Variants in ATXN7L1 observed in about 807,000 individuals in gnomAD.
The protein encoded by ATXN7L1 is ataxin 7 like 1.
Under a neutral mutation model 70.8 loss-of-function variants are expected in ATXN7L1, and 15 were observed. That is an observed-to-expected ratio of 0.21 (90% CI 0.14 to 0.33). The LOEUF (loss-of-function observed/expected upper bound fraction) is 0.33. Ranked by LOEUF, ATXN7L1 falls within the 10% of genes least tolerant of loss-of-function variation. ATXN7L1 has a pLI of 1.00. For synonymous variants in ATXN7L1, 440 were observed against 445.1 expected (o/e 0.99, Z 0.14); for missense variants, 975 against 1,097.1 (o/e 0.89, Z 1.57).
chr7:105,690,451 A>G (rs895138265), intron 3 of ATXN7L1, among the ~76,000 whole-genome samples: 3 of 152,162 alleles, frequency 2.0e-5, no homozygotes, highest in Admixed American at 1.3e-4. Flanking sequence ...GTCCGTTCTC[A>G]TTCATGTGAT....
At chr7:105,790,859 G>C (rs954647394) in intron 2 of ATXN7L1, among the ~76,000 whole-genome samples, 3 of 152,058 alleles carry the variant, frequency 2.0e-5, no homozygotes, top group African/African-American at 7.2e-5. Context: ...ACACTGGCAG[G>C]GGTGATACAG....
At chr7:105,830,880 A>G (rs2116586631) in intron 2 of ATXN7L1, among the ~76,000 whole-genome samples, 1 of 152,332 alleles carries the variant, frequency 6.6e-6, no homozygotes, top group South Asian at 2.1e-4. Flanking sequence ...AGCATTTGAA[A>G]AGGCAGGGTT....
At chr7:105,624,733 C>T (rs373727050) in intron 7 of ATXN7L1, among the ~76,000 whole-genome samples, 42 of 150,530 alleles carry the variant, frequency 2.8e-4, no homozygotes, top group South Asian at 1.5e-3. Flanking sequence ...TAAGGGAAAA[C>T]AATCAAGGCT....
Position 105,624,051 on chromosome 7 carries a change from G to C in ATXN7L1, c.1395+24C>G, listed in dbSNP as rs751114896. ...TGCAAAGCACAGGCGAAGAACGCAT[G>C]GCAAGGAACGGAAGGAGGCCTACCG... is the stretch of plus-strand genomic sequence containing the variant. On this transcript the variant is annotated intron_variant, in intron 8 of 11. Transcript: ENST00000419735. 1.7e-4 allele frequency: 234 copies of C among 1,376,758 alleles called. 1 individual carries two copies. The highest frequency in any genetic ancestry group is 2.1e-4 in the Non-Finnish European group (226 of 1,051,180). 85.3% of individuals were successfully genotyped at this position (1,376,758 alleles called of 1,614,324 possible). A position where few individuals can be genotyped will look rare whatever the true frequency, so the allele number is the denominator to read the frequency against.
At chr7:105,822,481 A>T (rs959796174) in intron 2 of ATXN7L1, among the ~76,000 whole-genome samples, 4 of 152,048 alleles carry the variant, frequency 2.6e-5, no homozygotes, top group African/African-American at 9.7e-5. Context: ...ACTTCTTATG[A>T]CCTGCAGGAA....
chr7:105,828,305 T>C (rs80208306), intron 2 of ATXN7L1, among the ~76,000 whole-genome samples: 1 of 152,298 alleles, frequency 6.6e-6, no homozygotes, highest in East Asian at 1.9e-4. Context: ...AGAGTCCTGC[T>C]GATATGGAAG....
At chr7:105,729,062 G>C (rs532564883) in intron 3 of ATXN7L1, among the ~76,000 whole-genome samples, 4 of 152,082 alleles carry the variant, frequency 2.6e-5, no homozygotes, top group African/African-American at 9.7e-5. Context: ...CCAGGAGTTT[G>C]AGACTAGCCT....
Position 105,638,350 on chromosome 7 carries a change from T to A in ATXN7L1, c.1202+3A>T. The A allele has an allele frequency of 6.5e-7, 1 of 1,550,030 alleles. No individual in the cohort carries two copies. Among genetic ancestry groups the A allele is most frequent in the Non-Finnish European group, 8.7e-7 (1 of 1,145,688 alleles). ...GGGCTTCTATCGTCAAGGTGGTACTTACCTAGGAAGTACAGAGTTGGGTGG... is the reference window on the plus strand; with the variant it reads ...GGGCTTCTATCGTCAAGGTGGTACTAACCTAGGAAGTACAGAGTTGGGTGG... On this transcript the variant is annotated splice_donor_region_variant and intron_variant, in intron 7 of 11. Coordinates refer to ENST00000419735, the MANE Select transcript of ATXN7L1 (RefSeq NM_020725.2).
At chr7:105,613,662 G>A in intron 10 of ATXN7L1, 200 bp downstream of exon 10, 2 of 1,443,470 alleles carry the variant, frequency 1.4e-6, no homozygotes, top group Non-Finnish European at 1.8e-6. Flanking sequence ...CGAGAACAGT[G>A]TCTAGCACAT....
intron 3 of ATXN7L1, among the ~76,000 whole-genome samples, chr7:105,711,957 T>C (rs1293639760): frequency 6.6e-6 from 1 of 152,268 alleles, no homozygotes; most frequent in African/African-American, 2.4e-5. Flanking sequence ...TTTCCATACA[T>C]CTTCTGAAAT....
At chr7:105,624,901 C>T (rs1353682863) in intron 7 of ATXN7L1, among the ~76,000 whole-genome samples, 2 of 152,180 alleles carry the variant, frequency 1.3e-5, no homozygotes, top group African/African-American at 4.8e-5. Context: ...TGAACCTACA[C>T]CAGTCTTCTA....
chr7:105,740,818 G>A (rs908911511), intron 3 of ATXN7L1, among the ~76,000 whole-genome samples: 1 of 119,764 alleles, frequency 8.3e-6, no homozygotes, highest in Non-Finnish European at 1.6e-5. Flanking sequence ...AGGCTGGAGT[G>A]CGGTGGTGCG....
chr7:105,712,427 T>C (rs1467583273), intron 3 of ATXN7L1, among the ~76,000 whole-genome samples: 1 of 152,280 alleles, frequency 6.6e-6, no homozygotes, highest in African/African-American at 2.4e-5. Context: ...CAAACTTTTA[T>C]GCTCTGCTTC....
At position 105,614,612 on chromosome 7, in the gene ATXN7L1, C is replaced by G; in HGVS notation, c.1722G>C (p.Pro574=). 3 of 1,551,596 alleles carry G rather than the reference C, an allele frequency of 1.9e-6. No individual in the cohort carries two copies. The African/African-American group carries it at 4.1e-5, about 21-fold the overall frequency. ...CTGTGGTGTGGGACATGAGGGCGCTCGGGTCCGGCGATGTCACGAAAGCTG... is the reference window on the plus strand; with the variant it reads ...CTGTGGTGTGGGACATGAGGGCGCTGGGGTCCGGCGATGTCACGAAAGCTG... ...SNAAFVTSPD[P]SALMSHTTAF... is the part of the protein sequence containing the mutation. Residue 574 remains proline (P), a synonymous_variant, in exon 10 of 12, where the codon CCG becomes CCC. Transcript: ENST00000419735. This position sits in a 1 kb window ranked among gnomAD's most constrained non-coding sequence, Gnocchi z 4.3.
intron 2 of ATXN7L1, among the ~76,000 whole-genome samples, chr7:105,837,451 GAA>G (rs36089046): frequency 1.4e-5 from 2 of 138,288 alleles, no homozygotes; most frequent in Non-Finnish European, 1.6e-5. Context: ...GTTAAAATGT[GAA>G]AAAAAAAAAA....
chr7:105,794,665 C>T (rs545615422), intron 2 of ATXN7L1, among the ~76,000 whole-genome samples: 9 of 151,994 alleles, frequency 5.9e-5, no homozygotes, highest in East Asian at 1.9e-4. Context: ...TTATGGTTAC[C>T]GCATCAATTA....
At chr7:105,713,016 G>C (rs985660163) in intron 3 of ATXN7L1, among the ~76,000 whole-genome samples, 3 of 152,218 alleles carry the variant, frequency 2.0e-5, no homozygotes, top group Non-Finnish European at 4.4e-5. Context: ...AACAGGAAGC[G>C]TGACTGGGAG....
intron 2 of ATXN7L1, among the ~76,000 whole-genome samples, chr7:105,805,836 C>T (rs1400408515): frequency 6.6e-6 from 1 of 152,008 alleles, no homozygotes; most frequent in East Asian, 1.9e-4. Flanking sequence ...GTGAATATAG[C>T]AGGGAATGAG....
intron 3 of ATXN7L1, among the ~76,000 whole-genome samples, chr7:105,745,060 G>A (rs367862572): frequency 6.6e-6 from 1 of 151,848 alleles, no homozygotes; most frequent in Non-Finnish European, 1.5e-5. Flanking sequence ...TTGCTCTAAG[G>A]GATAACTGGC....
Sources: gnomAD v4.1 joint callset for allele counts (sites outside exome capture counted in the v4.1 genomes callset) on GRCh38, gnomAD v4.1.1 for gene constraint, Gnocchi (gnomAD v3.1) non-coding constraint, MANE v1.5 for transcripts, NCBI Gene and HGNC (gene_info 2026-07-23, HGNC 2026-07-21) for gene names.